The following IL1RAPL2 variants were observed in gnomAD, a reference collection of about 807,000 sequenced individuals.
IL1RAPL2 encodes the protein interleukin 1 receptor accessory protein like 2.
A neutral mutation model predicts 44.1 loss-of-function variants in IL1RAPL2; 3 were observed. That is an observed-to-expected ratio of 0.07 (90% CI 0.03 to 0.18). The LOEUF is 0.18. Among genes scored for constraint, IL1RAPL2 ranks in the 10% least tolerant of loss-of-function variants. IL1RAPL2 has a pLI of 1.00. For synonymous variants in IL1RAPL2, 181 were observed against 178.8 expected (o/e 1.01, Z -0.10); for missense variants, 391 against 496.4 (o/e 0.79, Z 2.02).
intron 1 of IL1RAPL2, among the ~76,000 whole-genome samples, chrX:104,605,037 A>T (rs1928976848): frequency 9.0e-6 from 1 of 111,712 alleles, no homozygotes; most frequent in African/African-American, 3.3e-5. Context: ...ACCACATCAC[A>T]CTTATTCAAA....
intron 2 of IL1RAPL2, among the ~76,000 whole-genome samples, chrX:104,957,467 A>G (rs2147714222): frequency 9.0e-6 from 1 of 111,412 alleles, no homozygotes; most frequent in Non-Finnish European, 1.9e-5. Context: ...GGGGGTTCAG[A>G]GGGAGGGAGG....
intron 6 of IL1RAPL2, among the ~76,000 whole-genome samples, chrX:105,642,168 C>G (rs1372881639): frequency 9.1e-6 from 1 of 109,794 alleles, no homozygotes; most frequent in Non-Finnish European, 1.9e-5. Context: ...TGCCCTCACT[C>G]CTGCCCCATC....
At chrX:105,214,281 C>T (rs2033833085) in intron 3 of IL1RAPL2, among the ~76,000 whole-genome samples, 1 of 103,211 alleles carries the variant, frequency 9.7e-6, no homozygotes, top group African/African-American at 3.6e-5. Context: ...GGAATATTTA[C>T]TAAGCAAATG....
At chrX:105,573,711 G>A (rs1301741633) in intron 6 of IL1RAPL2, among the ~76,000 whole-genome samples, 1 of 111,054 alleles carries the variant, frequency 9.0e-6, no homozygotes, top group African/African-American at 3.3e-5. Flanking sequence ...AATAAGATTG[G>A]TTCAGTTTCA....
Position 104,920,879 on chromosome X carries a change from C to T in IL1RAPL2, c.82+261884C>T, listed in dbSNP as rs138702282. ...AGAACCAAAATATTGAGTATACCTG[C>T]ACACTCTGACCAGATCTTTTGAGAC... is the stretch of plus-strand genomic sequence containing the variant. On this transcript the variant is annotated intron_variant, in intron 2 of 10. Transcript: ENST00000372582. Among the ~76,000 whole-genome samples, 921 of 110,393 alleles carry T rather than the reference C, an allele frequency of 8.3e-3. 13 individuals are homozygous for T. Among genetic ancestry groups the T allele is most frequent in the African/African-American group, 0.029 (869 of 30,303 alleles).
chrX:105,450,292 C>T (rs960615035), intron 5 of IL1RAPL2, among the ~76,000 whole-genome samples: 3 of 111,419 alleles, frequency 2.7e-5, no homozygotes, highest in Non-Finnish European at 5.7e-5. Context: ...TTTCTGCCCT[C>T]CTCAATACCT....
rs1420679868 is a variant in IL1RAPL2, at chrX:105,184,703, A to G, written c.83-10772A>G. ...GTAAAATGAATATGTTTGAAAATAT[A>G]GGTTAGAATATTTCATAATGCCCTT... On this transcript the variant is annotated intron_variant, in intron 2 of 10. Transcript: ENST00000372582. Among the ~76,000 whole-genome samples, 7 of 110,458 alleles carry G rather than the reference A, an allele frequency of 6.3e-5. No homozygotes were observed. The East Asian group carries it at 2.0e-3, about 31-fold the overall frequency.
At chrX:105,082,065 T>C (rs767478502) in intron 2 of IL1RAPL2, among the ~76,000 whole-genome samples, 15 of 111,948 alleles carry the variant, frequency 1.3e-4, no homozygotes, top group Admixed American at 8.5e-4. Flanking sequence ...AGCTCCTCTT[T>C]GTACTTCTGG....
Position 105,683,278 on chromosome X carries a change from A to G in IL1RAPL2, c.773-34089A>G, listed in dbSNP as rs1322423321. On this transcript the variant is annotated intron_variant, in intron 6 of 10. Coordinates refer to ENST00000372582, the MANE Select transcript of IL1RAPL2 (RefSeq NM_017416.2). Reference sequence around the variant, plus strand: ...TCTGCTAAGGTTTTTAACACAGTTCATAACTTTTCAAACTCAGGTATTATA... The same window carrying G: ...TCTGCTAAGGTTTTTAACACAGTTCGTAACTTTTCAAACTCAGGTATTATA... Among the ~76,000 whole-genome samples, 5 of 112,033 alleles carry G rather than the reference A, an allele frequency of 4.5e-5. No individual in the cohort carries two copies. In the East Asian group the frequency reaches 1.4e-3, roughly 31 times the overall value.
chrX:105,664,361 C>T (rs2037742031), intron 6 of IL1RAPL2, among the ~76,000 whole-genome samples: 1 of 111,939 alleles, frequency 8.9e-6, no homozygotes, highest in African/African-American at 3.2e-5. Context: ...GCGAATTCTA[C>T]TCTTTTGTGT....
intron 5 of IL1RAPL2, among the ~76,000 whole-genome samples, chrX:105,353,407 A>G (rs1009558765): frequency 5.4e-5 from 6 of 111,443 alleles, no homozygotes; most frequent in African/African-American, 9.8e-5. Flanking sequence ...TTGACTTGGC[A>G]ACGCGGGCTC....
intron 2 of IL1RAPL2, among the ~76,000 whole-genome samples, chrX:104,863,347 G>A (rs1242421683): frequency 9.0e-6 from 1 of 111,618 alleles, no homozygotes; most frequent in Non-Finnish European, 1.9e-5. Flanking sequence ...CTTGTGGCAG[G>A]TTGGAGAGGG....
Position 105,621,030 on chromosome X carries a change from C to T in IL1RAPL2, c.773-96337C>T, listed in dbSNP as rs144669288. ...GATTCTTCTCTTAGTCATGAGAAGCCCAGGAGATGTTCTAAAGCTGAGGAG... is the reference window on the plus strand; with the variant it reads ...GATTCTTCTCTTAGTCATGAGAAGCTCAGGAGATGTTCTAAAGCTGAGGAG... On this transcript the variant is annotated intron_variant, in intron 6 of 10. Transcript: ENST00000372582. Among the ~76,000 whole-genome samples, 228 of 110,730 alleles carry T rather than the reference C, an allele frequency of 2.1e-3. 1 individual carries two copies. Among genetic ancestry groups the T allele is most frequent in the African/African-American group, 7.2e-3 (221 of 30,577 alleles).
intron 5 of IL1RAPL2, among the ~76,000 whole-genome samples, chrX:105,463,690 G>A: frequency 9.0e-6 from 1 of 111,412 alleles, no homozygotes; most frequent in Non-Finnish European, 1.9e-5. Context: ...CTCCTTCTAG[G>A]AGGTAAGATT....
chrX:105,240,850 C>T (rs952625263), intron 4 of IL1RAPL2, among the ~76,000 whole-genome samples: 11 of 111,307 alleles, frequency 9.9e-5, no homozygotes, highest in Non-Finnish European at 1.3e-4. Flanking sequence ...TCTGGCTGGG[C>T]GTGGTAGCTA....
chrX:105,707,954 AGGCATGCCAATCAC>A (rs1293134557), intron 6 of IL1RAPL2, among the ~76,000 whole-genome samples: 24 of 110,732 alleles, frequency 2.2e-4, no homozygotes, highest in African/African-American at 7.6e-4. Flanking sequence ...TGGAGGGTAA[AGGCATGCCAATCAC>A]GTAGGCTACA....
intron 6 of IL1RAPL2, among the ~76,000 whole-genome samples, chrX:105,489,851 G>A (rs1311841901): frequency 1.1e-4 from 9 of 83,902 alleles, no homozygotes; most frequent in Non-Finnish European, 1.6e-4. Context: ...TTCTTGAGAT[G>A]AAGCCTTGCT....
intron 6 of IL1RAPL2, among the ~76,000 whole-genome samples, chrX:105,515,871 T>A (rs943708163): frequency 4.5e-5 from 5 of 111,235 alleles, no homozygotes; most frequent in African/African-American, 1.6e-4. Context: ...ATGAGTAAAA[T>A]TAAAAGAGAA....
intron 2 of IL1RAPL2, among the ~76,000 whole-genome samples, chrX:104,779,372 C>G (rs1333643673): frequency 9.0e-6 from 1 of 111,700 alleles, no homozygotes. Flanking sequence ...TACAAACAGT[C>G]TCCTCACCAC....
Sources: gnomAD v4.1 joint callset for allele counts (sites outside exome capture counted in the v4.1 genomes callset) on GRCh38, gnomAD v4.1.1 for gene constraint, MANE v1.5 for transcripts, NCBI Gene and HGNC (gene_info 2026-07-23, HGNC 2026-07-21) for gene names.